The following KCNT1 variants were observed in gnomAD, a reference collection of about 807,000 sequenced individuals.
KCNT1 encodes the protein potassium sodium-activated channel subfamily T member 1.
A neutral mutation model predicts 147.8 loss-of-function variants in KCNT1; 78 were observed. The observed-to-expected ratio is 0.53, with a 90% CI of 0.44 to 0.64. KCNT1 has a LOEUF of 0.64. Among genes scored for constraint, KCNT1 ranks in the 30% least tolerant of loss-of-function variants. KCNT1 has a pLI of 0.00. For missense variants in KCNT1, 1,419 were observed against 1,750.3 expected (o/e 0.81, Z 3.38); for synonymous variants, 867 against 748.8 (o/e 1.16, Z -2.58).
intron 1 of KCNT1, among the ~76,000 whole-genome samples, chr9:135,710,016 C>G (rs1360965489): frequency 6.6e-6 from 1 of 152,178 alleles, no homozygotes; most frequent in Non-Finnish European, 1.5e-5. Flanking sequence ...TTCCACGGGA[C>G]CTGTAGGCAC....
chr9:135,778,570 C>T (rs1833349734), intron 22 of KCNT1, 75 bp downstream of exon 22: 1 of 1,601,912 alleles, frequency 6.2e-7, no homozygotes, highest in South Asian at 1.1e-5. Context: ...TCTGGGGTGA[C>T]CCCGACCGCA....
intron 19 of KCNT1, among the ~76,000 whole-genome samples, chr9:135,774,225 GTGT>G (rs1340718427): frequency 7.3e-5 from 11 of 150,496 alleles, no homozygotes; most frequent in African/African-American, 2.5e-4. Flanking sequence ...TGGTGTCTGT[GTGT>G]TGTGTGTGGT....
At chr9:135,769,192 C>T (rs1832564582) in intron 15 of KCNT1, among the ~76,000 whole-genome samples, 2 of 137,096 alleles carry the variant, frequency 1.5e-5, no homozygotes, top group South Asian at 4.7e-4. Context: ...CGTGTGCACA[C>T]GTGGGTGACA....
In KCNT1 at chr9:135,792,029, G is replaced by T; in HGVS notation, c.3588-12G>T. On this transcript the variant is annotated splice_polypyrimidine_tract_variant and intron_variant, in intron 30 of 30. Coordinates refer to ENST00000371757, the MANE Select transcript of KCNT1 (RefSeq NM_020822.3). ...CCACATCCACTCCAGGGTCCTCTGT[G>T]CCCTCCCGCAGCTATCTCATCCGCT... The T allele has an allele frequency of 6.2e-7, 1 of 1,603,516 alleles. No homozygotes were observed.
intron 1 of KCNT1, among the ~76,000 whole-genome samples, chr9:135,709,195 A>G (rs976210001): frequency 5.9e-5 from 9 of 152,130 alleles, no homozygotes; most frequent in Non-Finnish European, 1.0e-4. Context: ...GGTTCTGTGG[A>G]AAGCGGTCGT....
chr9:135,774,294 GGT>G (rs1006109044), intron 19 of KCNT1, among the ~76,000 whole-genome samples: 1 of 147,494 alleles, frequency 6.8e-6, no homozygotes, highest in Non-Finnish European at 1.5e-5. Context: ...TGTTGTGTGT[GGT>G]GTGTGTGTCT....
At position 135,778,406 on chromosome 9, in the gene KCNT1, G is replaced by C; in HGVS notation, c.2523-18G>C. The C allele has an allele frequency of 6.5e-7, 1 of 1,549,960 alleles. No homozygotes were observed. The highest frequency in any genetic ancestry group is 8.7e-7 in the Non-Finnish European group (1 of 1,146,832). On this transcript the variant is annotated intron_variant, in intron 21 of 30. Transcript: ENST00000371757. ...CCTTGAAGCAGGGTGGGCCCCTCCA[G>C]GACCGCTGTCCCCACAGGCCCGACC...
chr9:135,769,645 G>A (rs887578790), intron 15 of KCNT1, among the ~76,000 whole-genome samples: 2 of 152,148 alleles, frequency 1.3e-5, no homozygotes, highest in Admixed American at 1.3e-4. Flanking sequence ...GTGCCCAGGG[G>A]ACAGGGGTCA....
chr9:135,739,087 G>C (rs1830455833), intron 2 of KCNT1, among the ~76,000 whole-genome samples: 1 of 152,010 alleles, frequency 6.6e-6, no homozygotes, highest in African/African-American at 2.4e-5. Context: ...CACCAACACA[G>C]CCCCCTCCCC....
At position 135,784,597 on chromosome 9, in the gene KCNT1, G is replaced by A. The variant is rs377162900; in HGVS notation, c.3006G>A (p.Pro1002=). ...TGCTGCTGGGCCTGGACACCACGCCGGGCTCGGGGTACCTCTGTGCCGTAA... is the reference window on the plus strand; with the variant it reads ...TGCTGCTGGGCCTGGACACCACGCCAGGCTCGGGGTACCTCTGTGCCGTAA... ...TRLLLGLDTT[P]GSGYLCAMKI... The change falls in exon 26 of 31, where the codon CCG becomes CCA. Residue 1002 remains proline, a synonymous_variant. Coordinates refer to ENST00000371757, the MANE Select transcript of KCNT1 (RefSeq NM_020822.3). 1.2e-4 allele frequency: 188 copies of A among 1,605,462 alleles called. 3 individuals carry two copies. In the South Asian group the frequency reaches 1.6e-3, roughly 14 times the overall value.
Position 135,750,150 on chromosome 9 carries a change from C to T in KCNT1, c.307C>T (p.Leu103=). Residue 103 remains leucine, a synonymous_variant, in exon 3 of 31, where the codon CTG becomes TTG. Transcript: ENST00000371757. ...NENTFKERLK[L]FFIKNQRSSL... ...GAACACCTTCAAGGAGCGGCTCAAG[C>T]TGTTCTTCATCAAAAACCAAAGATC... 1 of 1,613,712 alleles carries T rather than the reference C, an allele frequency of 6.2e-7. No homozygotes were observed. Among genetic ancestry groups the T allele is most frequent in the Non-Finnish European group, 8.5e-7 (1 of 1,179,922 alleles).
chr9:135,757,173 G>T lies in KCNT1; in HGVS notation c.618G>T (p.Gln206His), dbSNP rs958688368. 16 of 1,599,490 alleles carry T rather than the reference G, an allele frequency of 1.0e-5. No homozygotes were observed. The highest frequency in any genetic ancestry group is 1.7e-5 in the Admixed American group (1 of 58,750). Reference sequence around the variant, plus strand: ...GGCCCCAGGGCAACATCTGGGAGCAGATCTTCCGCGTGTCCTTCGTCCTGG... The same window carrying T: ...GGCCCCAGGGCAACATCTGGGAGCATATCTTCCGCGTGTCCTTCGTCCTGG... ...YLSYKGNIWE[Q>H]IFRVSFVLEM... Residue 206 changes from glutamine to histidine, a missense_variant, in exon 8 of 31, where the codon CAG (glutamine) becomes CAT (histidine). Physicochemically the swap from Gln to His is conservative, Grantham distance 24. Transcript: ENST00000371757.
At chr9:135,735,051 T>C (rs2131370154) in intron 2 of KCNT1, among the ~76,000 whole-genome samples, 1 of 152,134 alleles carries the variant, frequency 6.6e-6, no homozygotes, top group South Asian at 2.1e-4. Context: ...CACAGGAGGG[T>C]TGAAGGGGGC....
intron 2 of KCNT1, among the ~76,000 whole-genome samples, chr9:135,728,994 G>A (rs1240222403): frequency 6.6e-6 from 1 of 152,220 alleles, no homozygotes; most frequent in Non-Finnish European, 1.5e-5. Context: ...GACTATGACT[G>A]TATTTGGAAA....
chr9:135,774,356 CGTGTTGTGTCTGTGTGTGGTGT>C (rs1169112835), intron 19 of KCNT1, among the ~76,000 whole-genome samples: 117 of 110,800 alleles, frequency 1.1e-3, no homozygotes, highest in African/African-American at 4.1e-3. Context: ...GTGTGTGGTG[CGTGTTGTGTCTGTGTGTGGTGT>C]GTGTTGCGTA....
In KCNT1 at chr9:135,703,796, G is replaced by T. The variant is rs143706532; in HGVS notation, c.110+1428G>T. On this transcript the variant is annotated intron_variant, in intron 1 of 30. Coordinates refer to ENST00000371757, the MANE Select transcript of KCNT1 (RefSeq NM_020822.3). ...CGAGCCGGCAGGACAGTGTCCTCAGGGTCCAGCCTTTAGCTCCAGGCCTCA... is the reference window on the plus strand; with the variant it reads ...CGAGCCGGCAGGACAGTGTCCTCAGTGTCCAGCCTTTAGCTCCAGGCCTCA... Among the ~76,000 whole-genome samples the T allele has an allele frequency of 2.9e-3, 441 of 152,304 alleles. 8 individuals carry two copies. Among genetic ancestry groups the T allele is most frequent in the Admixed American group, 0.025 (378 of 15,304 alleles).
rs1832482152 is a variant in KCNT1 at position 135,768,394 on chromosome 9, T to C, written c.1338-216T>C. The C allele has an allele frequency of 1.5e-5, 4 of 273,262 alleles. No individual in the cohort carries two copies. In the South Asian group the frequency reaches 1.7e-4, roughly 12 times the overall value. The allele number at this position is 273,262 out of a possible 1,614,324, so 16.9% of individuals were successfully genotyped here. A position where few individuals can be genotyped will look rare whatever the true frequency, so the allele number is the denominator to read the frequency against. On this transcript the variant is annotated intron_variant, in intron 13 of 30. Coordinates refer to ENST00000371757, the MANE Select transcript of KCNT1 (RefSeq NM_020822.3). Reference sequence around the variant, plus strand: ...ATGCCCACTGAGGGGGCACTGTGACTCCTGACCAGCAGAGAGTAGGGGCCT... The same window carrying C: ...ATGCCCACTGAGGGGGCACTGTGACCCCTGACCAGCAGAGAGTAGGGGCCT...
rs1834607981 is a variant in KCNT1 at position 135,792,414 on chromosome 9, C to T, written c.*253C>T. 7.6e-6 allele frequency: 3 copies of T among 394,122 alleles called. No individual in the cohort carries two copies. The highest frequency in any genetic ancestry group is 1.4e-5 in the Non-Finnish European group (3 of 213,072). 24.4% of individuals were successfully genotyped at this position (394,122 alleles called of 1,614,324 possible). ...CGTCGATGCAGTCCACTTCTCTTTA[C>T]ACAGATGTACCGCAACTCGTGACCA... On this transcript the variant is annotated 3_prime_UTR_variant, in exon 31 of 31. Coordinates refer to ENST00000371757, the MANE Select transcript of KCNT1 (RefSeq NM_020822.3).
chr9:135,775,406 G>A lies in KCNT1; in HGVS notation c.2340G>A (p.Arg780=), dbSNP rs1302502871. 6.2e-7 allele frequency: 1 copy of A among 1,609,930 alleles called. No homozygotes were observed. Among genetic ancestry groups the A allele is most frequent in the East Asian group, 2.2e-5 (1 of 44,788 alleles). The change falls in exon 20 of 31, where the codon CGG becomes CGA. Residue 780 remains arginine (R), a synonymous_variant. Transcript: ENST00000371757. ...TGAAAGCCCCCTTCTGCTGCCTGCGGCTGGACAAGGTAAGGCTGGCGGCTC... is the reference window on the plus strand; with the variant it reads ...TGAAAGCCCCCTTCTGCTGCCTGCGACTGGACAAGGTAAGGCTGGCGGCTC... ...LPVKAPFCCL[R]LDKGCKHNSY...
Sources: allele counts gnomAD v4.1 joint callset (sites outside exome capture counted in the v4.1 genomes callset), GRCh38; gene constraint gnomAD v4.1.1; transcripts MANE v1.5; gene names NCBI Gene and HGNC (gene_info 2026-07-23, HGNC 2026-07-21).